The following NDE1 variants were observed in gnomAD, a reference collection of about 807,000 sequenced individuals.
NDE1 encodes nuclear distribution protein nudE homolog 1.
NDE1 carries 28 observed loss-of-function variants against 43.4 expected under a neutral mutation model. That is an observed-to-expected ratio of 0.65 (90% CI 0.48 to 0.89). NDE1 has a LOEUF of 0.89. Ranked by LOEUF, NDE1 falls within the 40% of genes least tolerant of loss-of-function variation. The pLI is 0.00. For missense variants in NDE1, 441 were observed against 434.1 expected, an observed-to-expected ratio of 1.02 and a Z score of -0.14; for synonymous variants, 184 against 172.0, an observed-to-expected ratio of 1.07 and a Z score of -0.55.
intron 7 of NDE1, chr16:15,694,868 G>A (rs2038935263): frequency 1.0e-6 from 1 of 985,224 alleles, no homozygotes; most frequent in African/African-American, 1.7e-5. Flanking sequence ...GAAAAATTAA[G>A]GAGCACTTGG....
At chr16:15,643,497 G>C (rs2036200817) in exon 1 of NDE1, 2 of 398,192 alleles carry the variant, frequency 5.0e-6, no homozygotes, top group Admixed American at 4.0e-5. Flanking sequence ...GGATTTAATA[G>C]AATTCAGCTC....
rs754307089 is a variant in NDE1, at chr16:15,721,531, C to T, written c.948-2660C>T. The T allele has an allele frequency of 5.6e-6, 9 of 1,614,184 alleles. No individual in the cohort carries two copies. The South Asian group carries it at 6.6e-5, about 12-fold the overall frequency. Reference sequence around the variant, plus strand: ...GGCTTCCAAGGCCTCTTCAAGGGCCCGAGCCAGGGACAGGGCCTTGGTTTC... The same window carrying T: ...GGCTTCCAAGGCCTCTTCAAGGGCCTGAGCCAGGGACAGGGCCTTGGTTTC... On this transcript the variant is annotated intron_variant, in intron 8 of 8. Transcript: ENST00000396354.
chr16:15,699,256 GC>G (rs1194495796), intron 8 of NDE1, among the ~76,000 whole-genome samples: 7 of 143,948 alleles, frequency 4.9e-5, no homozygotes, highest in Non-Finnish European at 1.0e-4. Flanking sequence ...TAGCAATCAT[GC>G]CTGGCCTTTT....
chr16:15,650,748 T>TTC (rs1210938959), intron 1 of NDE1, among the ~76,000 whole-genome samples: 1 of 151,872 alleles, frequency 6.6e-6, no homozygotes, highest in African/African-American at 2.4e-5. Context: ...CTCGTTTCTT[T>TTC]TCTCTCTCTC....
intron 8 of NDE1, among the ~76,000 whole-genome samples, chr16:15,705,374 T>C (rs2039390598): frequency 6.6e-6 from 1 of 152,154 alleles, no homozygotes; most frequent in South Asian, 2.1e-4. Context: ...CTTGAGTTTA[T>C]CACCTCGACT....
rs368711297 is a variant in NDE1, at chr16:15,724,838, C to T, written c.*587C>T. 41 of 1,613,514 alleles carry T rather than the reference C, an allele frequency of 2.5e-5. 2 individuals carry two copies. Among genetic ancestry groups the T allele is most frequent in the Admixed American group, 1.2e-4 (7 of 59,992 alleles). On this transcript the variant is annotated 3_prime_UTR_variant, in exon 9 of 9. Coordinates refer to ENST00000396354, the MANE Select transcript of NDE1 (RefSeq NM_017668.3). Reference sequence around the variant, plus strand: ...GCAAAGAGGTCCCAGGGACCTGCCCCGAGGAAGGCCACCCCCCAGGTCCCC... The same window carrying T: ...GCAAAGAGGTCCCAGGGACCTGCCCTGAGGAAGGCCACCCCCCAGGTCCCC...
rs1436778681 is a variant in NDE1, at chr16:15,715,205, C to A, written c.948-8986C>A. On this transcript the variant is annotated intron_variant, in intron 8 of 8. Transcript: ENST00000396354. ...TCGGCCATCTTGCGCTCGTCCTCCA[C>A]CTGCAGCAAGATTTCCTTCAGCTTC... 1.2e-6 allele frequency: 2 copies of A among 1,613,994 alleles called. No individual in the cohort carries two copies. The highest frequency in any genetic ancestry group is 1.7e-6 in the Non-Finnish European group (2 of 1,180,042).
At chr16:15,696,949 T>C in intron 8 of NDE1, 89 bp downstream of exon 8, 13 of 1,562,178 alleles carry the variant, frequency 8.3e-6, no homozygotes, top group Non-Finnish European at 1.1e-5. Context: ...CAGCCATGTG[T>C]CTTTTTAAAT....
At chr16:15,721,074 C>T in intron 8 of NDE1, 1 of 1,612,432 alleles carries the variant, frequency 6.2e-7, no homozygotes, top group Non-Finnish European at 8.5e-7. Flanking sequence ...CGGGCAGCCC[C>T]ATTCTATGAG....
intron 8 of NDE1, chr16:15,699,524 C>G (rs1273284353): frequency 2.5e-6 from 3 of 1,182,034 alleles, no homozygotes; most frequent in Non-Finnish European, 3.2e-6. Context: ...TCTAGTGGGT[C>G]TGAGACTGGG....
At chr16:15,659,303 A>G (rs1197964873) in intron 1 of NDE1, among the ~76,000 whole-genome samples, 1 of 69,724 alleles carries the variant, frequency 1.4e-5, no homozygotes. Context: ...TGTTTTAACC[A>G]AAACTATATA....
At chr16:15,718,196 C>T in intron 8 of NDE1, 2 of 1,532,492 alleles carry the variant, frequency 1.3e-6, no homozygotes, top group Non-Finnish European at 1.8e-6. Context: ...CCACCACCCT[C>T]TTGTCCCTCA....
intron 6 of NDE1, among the ~76,000 whole-genome samples, chr16:15,692,492 C>T (rs911288845): frequency 6.6e-6 from 1 of 152,076 alleles, no homozygotes; most frequent in East Asian, 1.9e-4. Context: ...TCGCTGTAAC[C>T]CCCTCCTCCC....
At chr16:15,694,756 C>G (rs952290194) in intron 7 of NDE1, 8 of 985,244 alleles carry the variant, frequency 8.1e-6, no homozygotes, top group Admixed American at 6.2e-5. Context: ...AGCTCTGACT[C>G]GAAGCCCTGC....
intron 4 of NDE1, among the ~76,000 whole-genome samples, chr16:15,680,245 G>GT (rs1255778577): frequency 6.6e-6 from 1 of 152,082 alleles, no homozygotes; most frequent in Non-Finnish European, 1.5e-5. Context: ...CTGTGCACGT[G>GT]TGGTTTGGGG....
At chr16:15,722,262 C>G (rs1296261974) in intron 8 of NDE1, among the ~76,000 whole-genome samples, 1 of 152,310 alleles carries the variant, frequency 6.6e-6, no homozygotes, top group Middle Eastern at 3.4e-3. Context: ...TAGTTTGTTT[C>G]ATGGCCACAA....
At position 15,725,162 on chromosome 16, in the gene NDE1, C is replaced by T. The variant is rs370768530; in HGVS notation, c.*911C>T. On this transcript the variant is annotated 3_prime_UTR_variant, in exon 9 of 9. Coordinates refer to ENST00000396354, the MANE Select transcript of NDE1 (RefSeq NM_017668.3). ...AAAAAAAAAAAAACACACACACACA[C>T]AAAAAAAACAGAATCTGTGGCTTGA... 9.4e-6 allele frequency: 6 copies of T among 636,384 alleles called. No homozygotes were observed. The South Asian group carries it at 1.1e-4, about 12-fold the overall frequency. The allele number at this position is 636,384 out of a possible 1,614,324, so 39.4% of individuals were successfully genotyped here. A position where few individuals can be genotyped will look rare whatever the true frequency, so the allele number is the denominator to read the frequency against.
upstream of NDE1, among the ~76,000 whole-genome samples, chr16:15,647,903 C>T (rs568736114): frequency 6.6e-6 from 1 of 152,036 alleles, no homozygotes; most frequent in South Asian, 2.1e-4. Context: ...CGTGTTGGTG[C>T]ACACCTGTGG....
intron 6 of NDE1, among the ~76,000 whole-genome samples, chr16:15,692,895 C>T (rs1358303265): frequency 6.6e-6 from 1 of 152,074 alleles, no homozygotes; most frequent in Non-Finnish European, 1.5e-5. Flanking sequence ...CAACTCCATG[C>T]CTGGCTATGT....
Sources: gnomAD v4.1 joint callset for allele counts (sites outside exome capture counted in the v4.1 genomes callset) on GRCh38, gnomAD v4.1.1 for gene constraint, MANE v1.5 for transcripts, NCBI Gene and HGNC (gene_info 2026-07-23, HGNC 2026-07-21) for gene names.